Variants in BRINP3 observed in about 807,000 individuals in gnomAD.
The protein encoded by BRINP3 is BMP/retinoic acid-inducible neural-specific protein 3.
A neutral mutation model predicts 71.0 loss-of-function variants in BRINP3; 19 were observed. That is an observed-to-expected ratio of 0.27 (90% CI 0.19 to 0.39). The LOEUF (loss-of-function observed/expected upper bound fraction) is 0.39. Among genes scored for constraint, BRINP3 ranks in the 10% least tolerant of loss-of-function variants. The pLI is 1.00. For missense variants in BRINP3, 959 were observed against 940.8 expected, an observed-to-expected ratio of 1.02 and a Z score of -0.25; for synonymous variants, 380 against 337.7, an observed-to-expected ratio of 1.13 and a Z score of -1.37.
chr1:190,135,777 T>C (rs1654920823), intron 7 of BRINP3, among the ~76,000 whole-genome samples: 1 of 152,052 alleles, frequency 6.6e-6, no homozygotes. Context: ...ATATTCTTCA[T>C]ATTATCTGAA....
chr1:190,167,366 C>T (rs1337825083), intron 6 of BRINP3, among the ~76,000 whole-genome samples: 1 of 152,148 alleles, frequency 6.6e-6, no homozygotes, highest in Non-Finnish European at 1.5e-5. Flanking sequence ...AATTCCACCT[C>T]TGCCCACCTA....
chr1:190,416,404 G>GA (rs1368160298), intron 2 of BRINP3, among the ~76,000 whole-genome samples: 9 of 152,108 alleles, frequency 5.9e-5, no homozygotes, highest in East Asian at 5.8e-4. Flanking sequence ...CCCCATGAGA[G>GA]AAAAAATGTG....
intron 1 of BRINP3, among the ~76,000 whole-genome samples, chr1:190,464,569 A>C (rs1341640139): frequency 6.6e-6 from 1 of 152,016 alleles, no homozygotes; most frequent in East Asian, 1.9e-4. Context: ...ACAGGTACTG[A>C]AATGAACTCC....
intron 4 of BRINP3, among the ~76,000 whole-genome samples, chr1:190,254,272 A>G (rs1364482129): frequency 7.1e-6 from 1 of 141,576 alleles, no homozygotes; most frequent in African/African-American, 2.5e-5. Context: ...TTCCATATGA[A>G]CTTTAAAATA....
chr1:190,228,670 C>T (rs1280291614), intron 5 of BRINP3, among the ~76,000 whole-genome samples: 1 of 151,856 alleles, frequency 6.6e-6, no homozygotes, highest in Non-Finnish European at 1.5e-5. Context: ...AGGGACGCAG[C>T]GCTCAAAACA....
intron 3 of BRINP3, among the ~76,000 whole-genome samples, chr1:190,278,195 T>G (rs1662759790): frequency 6.6e-6 from 1 of 151,696 alleles, no homozygotes; most frequent in Non-Finnish European, 1.5e-5. Context: ...TGAAAAGCAT[T>G]GAAATTTTTT....
At chr1:190,465,049 A>C (rs1356503537) in intron 1 of BRINP3, among the ~76,000 whole-genome samples, 1 of 152,012 alleles carries the variant, frequency 6.6e-6, no homozygotes, top group Non-Finnish European at 1.5e-5. Context: ...TAGAAGAATG[A>C]AGAGAAGGTA....
intron 2 of BRINP3, among the ~76,000 whole-genome samples, chr1:190,311,304 G>A (rs974346100): frequency 6.6e-6 from 1 of 151,604 alleles, no homozygotes; most frequent in South Asian, 2.1e-4. Flanking sequence ...AGAAATATGA[G>A]GAAAGCATCC....
intron 2 of BRINP3, among the ~76,000 whole-genome samples, chr1:190,315,002 T>C (rs1034772252): frequency 6.6e-6 from 1 of 152,060 alleles, no homozygotes; most frequent in African/African-American, 2.4e-5. Context: ...ATAAGTGACA[T>C]AAGGTATGTG....
At chr1:190,382,027 G>A in intron 2 of BRINP3, among the ~76,000 whole-genome samples, 1 of 152,132 alleles carries the variant, frequency 6.6e-6, no homozygotes, top group Middle Eastern at 3.4e-3. Flanking sequence ...TATTGCATAC[G>A]ACCATTTATT....
chr1:190,246,315 G>T (rs1398368605), intron 4 of BRINP3, among the ~76,000 whole-genome samples: 1 of 151,564 alleles, frequency 6.6e-6, no homozygotes, highest in African/African-American at 2.4e-5. Context: ...TACCTTCATG[G>T]TACCTCTGGG....
At chr1:190,408,450 A>G (rs936059753) in intron 2 of BRINP3, among the ~76,000 whole-genome samples, 51 of 152,048 alleles carry the variant, frequency 3.4e-4, no homozygotes, top group African/African-American at 1.2e-3. Context: ...TATACAAAAC[A>G]TTTTATTGTT....
intron 7 of BRINP3, among the ~76,000 whole-genome samples, chr1:190,135,078 C>T (rs1254046902): frequency 6.6e-6 from 1 of 152,028 alleles, no homozygotes; most frequent in Non-Finnish European, 1.5e-5. Flanking sequence ...AGACTCTGAC[C>T]TTTCTTGAAG....
Position 190,190,997 on chromosome 1 carries a change from A to C in BRINP3, c.962-30107T>G, listed in dbSNP as rs564945410. The stretch of plus-strand genomic sequence containing the variant: ...GAACTAGTGATCTGTAAGCAAAGCG[A>C]TAATGAGGATAGTTTTATGGTCAAT... On this transcript the variant is annotated intron_variant, in intron 6 of 7. Coordinates refer to ENST00000367462, the MANE Select transcript of BRINP3 (RefSeq NM_199051.3). 9.9e-5 allele frequency among the ~76,000 whole-genome samples: 15 copies of C among 152,276 alleles called. No homozygotes were observed. In the South Asian group the frequency reaches 3.1e-3, roughly 32 times the overall value.
intron 2 of BRINP3, among the ~76,000 whole-genome samples, chr1:190,414,828 T>C (rs1465966470): frequency 6.6e-6 from 1 of 152,108 alleles, no homozygotes; most frequent in Non-Finnish European, 1.5e-5. Context: ...TAAAGATAGC[T>C]CTGAGAAGCA....
At chr1:190,320,250 C>T (rs1666150481) in intron 2 of BRINP3, among the ~76,000 whole-genome samples, 1 of 151,952 alleles carries the variant, frequency 6.6e-6, no homozygotes, top group African/African-American at 2.4e-5. Flanking sequence ...ATCATCTATG[C>T]ATACAGGTAA....
Position 190,218,335 on chromosome 1 carries a change from T to G in BRINP3, c.961+7747A>C, listed in dbSNP as rs141497242. On this transcript the variant is annotated intron_variant, in intron 6 of 7. Transcript: ENST00000367462. ...TGGCTTCTTTTGTTCAATGTGATAT[T>G]TCAGAGATTTATTCATATTTTGGAT... is the stretch of plus-strand genomic sequence containing the variant. 1.3e-4 allele frequency among the ~76,000 whole-genome samples: 20 copies of G among 152,190 alleles called. No individual in the cohort carries two copies. In the East Asian group the frequency reaches 3.9e-3, roughly 29 times the overall value.
At chr1:190,286,714 T>G (rs1663453169) in intron 2 of BRINP3, among the ~76,000 whole-genome samples, 1 of 152,232 alleles carries the variant, frequency 6.6e-6, no homozygotes, top group South Asian at 2.1e-4. Context: ...TCAGACACAA[T>G]AGAATCTTAA....
intron 6 of BRINP3, among the ~76,000 whole-genome samples, chr1:190,165,220 T>C (rs1029985885): frequency 6.6e-6 from 1 of 152,110 alleles, no homozygotes; most frequent in African/African-American, 2.4e-5. Flanking sequence ...TCATTTCTGA[T>C]TTTATATTAC....
Sources: allele counts gnomAD v4.1 joint callset (sites outside exome capture counted in the v4.1 genomes callset), GRCh38; gene constraint gnomAD v4.1.1; transcripts MANE v1.5; gene names NCBI Gene and HGNC (gene_info 2026-07-23, HGNC 2026-07-21).